The following TWSG1 variants were observed in gnomAD, a reference collection of about 807,000 sequenced individuals.
TWSG1 encodes the protein twisted gastrulation BMP signaling modulator 1.
In TWSG1, 15 loss-of-function variants were observed where a neutral mutation model predicts 23.0. The ratio of observed to expected loss-of-function variants is 0.65; its 90% CI spans 0.44 to 1.00. The LOEUF (loss-of-function observed/expected upper bound fraction) is 1.00. Ranked by LOEUF, TWSG1 falls within the 50% of genes least tolerant of loss-of-function variation. The probability of loss-of-function intolerance (pLI) is 0.00; values close to 1 mark genes in which losing one functional copy is unlikely to be tolerated. For missense variants in TWSG1, 242 were observed against 278.7 expected, an observed-to-expected ratio of 0.87 and a Z score of 0.94; for synonymous variants, 86 against 92.8, an observed-to-expected ratio of 0.93 and a Z score of 0.42.
chr18:9,402,322 G>A lies in TWSG1; in HGVS notation c.*2795G>A, dbSNP rs1289969081. The stretch of plus-strand genomic sequence containing the variant: ...CTATTCTGCATTCCCAAGAGTTTAT[G>A]TTTATTGTATTTTATATGATCTACA... On this transcript the variant is annotated 3_prime_UTR_variant, in exon 5 of 5. Transcript: ENST00000262120. 2 of 151,996 alleles carry A rather than the reference G, an allele frequency of 1.3e-5. No individual in the cohort carries two copies. Among genetic ancestry groups the A allele is most frequent in the African/African-American group, 4.8e-5 (2 of 41,372 alleles). 9.4% of individuals were successfully genotyped at this position (151,996 alleles called of 1,614,324 possible).
intron 2 of TWSG1, among the ~76,000 whole-genome samples, chr18:9,343,566 T>G (rs2040457761): frequency 6.6e-6 from 1 of 152,120 alleles, no homozygotes; most frequent in Admixed American, 6.6e-5. Flanking sequence ...CTCCATACCC[T>G]TTAGAAGTCA....
intron 3 of TWSG1, among the ~76,000 whole-genome samples, chr18:9,367,705 A>G (rs2040586614): frequency 6.6e-6 from 1 of 152,188 alleles, no homozygotes; most frequent in Non-Finnish European, 1.5e-5. Flanking sequence ...TCTCAGTTGC[A>G]TGCTCCTTAT....
intron 2 of TWSG1, among the ~76,000 whole-genome samples, chr18:9,340,367 C>CAAAAAAAAAA (rs775837207): frequency 3.0e-5 from 2 of 67,094 alleles, no homozygotes; most frequent in African/African-American, 5.9e-5. Context: ...GACTCCATTT[C>CAAAAAAAAAA]AAAAAAAAAA....
chr18:9,375,437 G>T (rs2040625594), intron 3 of TWSG1, among the ~76,000 whole-genome samples: 1 of 152,126 alleles, frequency 6.6e-6, no homozygotes, highest in African/African-American at 2.4e-5. Context: ...ACAAGGCAAG[G>T]ATGTCCCCTC....
intron 2 of TWSG1, among the ~76,000 whole-genome samples, chr18:9,343,246 A>C (rs1274113441): frequency 9.7e-5 from 3 of 30,836 alleles, no homozygotes; most frequent in African/African-American, 3.2e-4. Context: ...ATATATATAT[A>C]TATATATATA....
At chr18:9,363,409 T>C (rs1055453745) in intron 3 of TWSG1, among the ~76,000 whole-genome samples, 23 of 152,162 alleles carry the variant, frequency 1.5e-4, no homozygotes, top group African/African-American at 5.1e-4. Context: ...CCAATAGTCA[T>C]TAATACATTG....
chr18:9,360,563 C>T (rs1432998584), intron 3 of TWSG1, among the ~76,000 whole-genome samples: 1 of 152,112 alleles, frequency 6.6e-6, no homozygotes, highest in East Asian at 1.9e-4. Context: ...TTTAAAACCC[C>T]AGTTCAAGTA....
chr18:9,392,274 C>T (rs1210144215), intron 3 of TWSG1, among the ~76,000 whole-genome samples: 1 of 152,250 alleles, frequency 6.6e-6, no homozygotes, highest in East Asian at 1.9e-4. Context: ...TCACCAATGA[C>T]TTAGCTGGAT....
At chr18:9,355,625 T>C (rs1221761611) in intron 2 of TWSG1, among the ~76,000 whole-genome samples, 2 of 152,246 alleles carry the variant, frequency 1.3e-5, no homozygotes, top group Admixed American at 6.5e-5. Context: ...TTTCAGTTTG[T>C]TTCTTGACTT....
intron 3 of TWSG1, among the ~76,000 whole-genome samples, chr18:9,367,811 C>CT (rs1568035556): frequency 6.6e-6 from 1 of 152,238 alleles, no homozygotes; most frequent in Admixed American, 6.5e-5. Context: ...GGATTTCCTT[C>CT]TTTTTTTAAG....
chr18:9,341,330 A>G (rs1011192273), intron 2 of TWSG1, among the ~76,000 whole-genome samples: 2 of 152,224 alleles, frequency 1.3e-5, no homozygotes, highest in African/African-American at 4.8e-5. Context: ...GAAACCAACT[A>G]GTATGTGTCA....
chr18:9,389,075 C>G (rs981761362), intron 3 of TWSG1, among the ~76,000 whole-genome samples: 1 of 152,112 alleles, frequency 6.6e-6, no homozygotes, highest in African/African-American at 2.4e-5. Flanking sequence ...CTCCCGGGTT[C>G]AAGCGATTCT....
chr18:9,352,091 C>T (rs2040504758), intron 2 of TWSG1, among the ~76,000 whole-genome samples: 1 of 152,184 alleles, frequency 6.6e-6, no homozygotes, highest in Non-Finnish European at 1.5e-5. Flanking sequence ...AGCTTTTTCC[C>T]TAGCCTCAGC....
At position 9,378,193 on chromosome 18, in the gene TWSG1, A is replaced by G. The variant is rs983164599; in HGVS notation, c.224-18087A>G. On this transcript the variant is annotated intron_variant, in intron 3 of 4. Transcript: ENST00000262120. ...ATCTAATAAAGGACTGTTACCCAGA[A>G]TATACAAAAACAAAACAAGGATGCC... 3.3e-5 allele frequency among the ~76,000 whole-genome samples: 5 copies of G among 152,366 alleles called. No homozygotes were observed. The East Asian group carries it at 5.8e-4, about 18-fold the overall frequency.
At chr18:9,360,195 A>T in intron 3 of TWSG1, 124 bp downstream of exon 3, 1 of 624,048 alleles carries the variant, frequency 1.6e-6, no homozygotes, top group South Asian at 2.3e-5. Context: ...AATATAGTAA[A>T]CATACAGAAC....
rs115578578 is a variant in TWSG1 at position 9,335,965 on chromosome 18, G to A, written c.-38+1045G>A. Among the ~76,000 whole-genome samples, 1,209 of 152,166 alleles carry A rather than the reference G, an allele frequency of 7.9e-3. 17 individuals are homozygous for A. The highest frequency in any genetic ancestry group is 0.027 in the African/African-American group (1,126 of 41,510). On this transcript the variant is annotated intron_variant, in intron 1 of 4. Transcript: ENST00000262120. ...TAACCTGAAGAAATGATATCTTCCC[G>A]TATTTAAAGTTTAATAACTGTATAC...
chr18:9,369,236 G>A (rs1425170065), intron 3 of TWSG1, among the ~76,000 whole-genome samples: 1 of 152,140 alleles, frequency 6.6e-6, no homozygotes, highest in African/African-American at 2.4e-5. Context: ...TTAGCCATTT[G>A]TATGTCTTCT....
chr18:9,337,283 A>G lies in TWSG1; in HGVS notation c.54A>G (p.Thr18=), dbSNP rs2040427482. The change falls in exon 2 of 5, where the codon ACA becomes ACG. Residue 18 remains threonine, a synonymous_variant. Coordinates refer to ENST00000262120, the MANE Select transcript of TWSG1 (RefSeq NM_020648.6). ...CTCTAGCCATCCTGATGTTCCTGAC[A>G]TGGCTTCCAGAATCACTGAGCTGTA... is the stretch of plus-strand genomic sequence containing the variant. The part of the protein sequence containing the change: ...VLTLAILMFL[T]WLPESLSCNK... 6.2e-7 allele frequency: 1 copy of G among 1,613,612 alleles called. No individual in the cohort carries two copies. Among genetic ancestry groups the G allele is most frequent in the Non-Finnish European group, 8.5e-7 (1 of 1,180,014 alleles).
At chr18:9,368,389 G>C (rs1005153968) in intron 3 of TWSG1, among the ~76,000 whole-genome samples, 4 of 152,158 alleles carry the variant, frequency 2.6e-5, no homozygotes, top group Non-Finnish European at 5.9e-5. Context: ...TTTTAGGAGA[G>C]ATAGGGTTTC....
Sources: allele counts gnomAD v4.1 joint callset (sites outside exome capture counted in the v4.1 genomes callset), GRCh38; gene constraint gnomAD v4.1.1; transcripts MANE v1.5; gene names NCBI Gene and HGNC (gene_info 2026-07-23, HGNC 2026-07-21).